The following TAOK1 variants were observed in gnomAD, a reference collection of about 807,000 sequenced individuals.
The protein encoded by TAOK1 is serine/threonine-protein kinase TAO1.
A neutral mutation model predicts 138.3 loss-of-function variants in TAOK1; 21 were observed. The ratio of observed to expected loss-of-function variants is 0.15; its 90% CI spans 0.11 to 0.22. TAOK1 has a LOEUF of 0.22. Ranked by LOEUF, TAOK1 falls within the 10% of genes least tolerant of loss-of-function variation. TAOK1 has a pLI of 1.00. For missense variants in TAOK1, 651 were observed against 1,227.7 expected (o/e 0.53, Z 7.02); for synonymous variants, 361 against 398.4 (o/e 0.91, Z 1.12).
intron 1 of TAOK1, among the ~76,000 whole-genome samples, chr17:29,416,544 TTTAA>T (rs1343284493): frequency 4.0e-5 from 6 of 151,898 alleles, no homozygotes; most frequent in Non-Finnish European, 8.8e-5. Context: ...TATTACATTA[TTTAA>T]TTAAATATTA....
chr17:29,487,310 T>C (rs909352579), intron 8 of TAOK1, among the ~76,000 whole-genome samples: 32 of 151,126 alleles, frequency 2.1e-4, no homozygotes, highest in African/African-American at 7.6e-4. Context: ...TTTCTCTCAT[T>C]GTCAGAGAAA....
chr17:29,528,839 C>CAAAAAAAA (rs58073512), intron 17 of TAOK1, among the ~76,000 whole-genome samples: 5 of 69,402 alleles, frequency 7.2e-5, no homozygotes, highest in African/African-American at 1.2e-4. Context: ...GACTCCGTCT[C>CAAAAAAAA]AAAAAAAAAA....
intron 1 of TAOK1, among the ~76,000 whole-genome samples, chr17:29,425,045 A>T (rs1301771120): frequency 2.0e-5 from 3 of 152,160 alleles, no homozygotes; most frequent in Admixed American, 6.5e-5. Context: ...TAAAAGTTAG[A>T]CCATTAAATT....
intron 1 of TAOK1, among the ~76,000 whole-genome samples, chr17:29,443,240 G>A (rs1003706714): frequency 6.6e-6 from 1 of 152,126 alleles, no homozygotes; most frequent in Non-Finnish European, 1.5e-5. Flanking sequence ...CTTAAAAGAT[G>A]GAATACTATG....
intron 10 of TAOK1, among the ~76,000 whole-genome samples, chr17:29,492,150 G>T (rs184843387): frequency 1.4e-4 from 21 of 152,138 alleles, no homozygotes; most frequent in Non-Finnish European, 2.4e-4. Flanking sequence ...GCCTCTCAAG[G>T]GCTTGGATTA....
chr17:29,465,864 T>TTTTTTTTTTTTTTTC (rs397828344), intron 2 of TAOK1, among the ~76,000 whole-genome samples: 1 of 131,858 alleles, frequency 7.6e-6, no homozygotes, highest in East Asian at 2.2e-4. Flanking sequence ...TTTTTTTTTT[T>TTTTTTTTTTTTTTTC]CAGATTTTCC....
At chr17:29,508,197 T>C (rs2031660311) in intron 14 of TAOK1, 65 bp downstream of exon 14, 1 of 1,393,552 alleles carries the variant, frequency 7.2e-7, no homozygotes, top group Non-Finnish European at 1.0e-6. Context: ...TTAACCAACA[T>C]GGCAGTTTGA....
intron 8 of TAOK1, among the ~76,000 whole-genome samples, chr17:29,486,664 G>A (rs547987257): frequency 5.9e-5 from 9 of 152,112 alleles, no homozygotes; most frequent in African/African-American, 2.2e-4. Context: ...GAATTTATGA[G>A]AGTCTAACAC....
chr17:29,489,860 A>G (rs2031260532), intron 9 of TAOK1, 103 bp downstream of exon 9: 1 of 669,190 alleles, frequency 1.5e-6, no homozygotes, highest in African/African-American at 1.9e-5. Context: ...AAAATGTATC[A>G]CCTTATAAGA....
chr17:29,407,612 A>C lies in TAOK1; in HGVS notation c.-95+16588A>C, dbSNP rs1053609824. Among the ~76,000 whole-genome samples, 5 of 151,108 alleles carry C rather than the reference A, an allele frequency of 3.3e-5. No homozygotes were observed. The South Asian group carries it at 6.3e-4, about 19-fold the overall frequency. ...CAGGTGCCCACCATTACACCTGGCT[A>C]ATTTTTTTATTTTTTGTAGAGATGG... On this transcript the variant is annotated intron_variant, in intron 1 of 19. Transcript: ENST00000261716.
rs1266611590 is a variant in TAOK1, at chr17:29,390,538, G to C, written c.-581G>C. The C allele has an allele frequency of 6.6e-6, 1 of 152,608 alleles. No individual in the cohort carries two copies. The highest frequency in any genetic ancestry group is 1.5e-5 in the Non-Finnish European group (1 of 68,430). The allele number at this position is 152,608 out of a possible 1,614,324, so 9.5% of individuals were successfully genotyped here. A position where few individuals can be genotyped will look rare whatever the true frequency, so the allele number is the denominator to read the frequency against. On this transcript the variant is annotated 5_prime_UTR_variant, in exon 1 of 20. Transcript: ENST00000261716. Reference sequence around the variant, plus strand: ...GAACATCTGAGGCCTCCCGGCCCCGGGGGACCCCGCCCCGCCGTCCGCCGG... The same window carrying C: ...GAACATCTGAGGCCTCCCGGCCCCGCGGGACCCCGCCCCGCCGTCCGCCGG...
At chr17:29,521,154 T>C (rs2031908532) in intron 16 of TAOK1, among the ~76,000 whole-genome samples, 1 of 152,200 alleles carries the variant, frequency 6.6e-6, no homozygotes, top group African/African-American at 2.4e-5. Flanking sequence ...TATGTTTTTG[T>C]AAAATAGACT....
intron 1 of TAOK1, among the ~76,000 whole-genome samples, chr17:29,433,355 C>T (rs111991748): frequency 5.9e-4 from 89 of 149,932 alleles, no homozygotes; most frequent in Non-Finnish European, 1.1e-3. Flanking sequence ...TGCTTGAACC[C>T]GGGAGTGGAT....
Position 29,502,775 on chromosome 17 carries a change from G to A in TAOK1, c.1338+52G>A, listed in dbSNP as rs374068532. ...AATATATTTTTCATGTGGGACCTTGGCAATATAAACTCAAGTATAGCTATA... is the reference window on the plus strand; with the variant it reads ...AATATATTTTTCATGTGGGACCTTGACAATATAAACTCAAGTATAGCTATA... On this transcript the variant is annotated intron_variant, in intron 13 of 19. Transcript: ENST00000261716. 3 of 1,575,540 alleles carry A rather than the reference G, an allele frequency of 1.9e-6. No individual in the cohort carries two copies. In the African/African-American group the frequency reaches 4.1e-5, roughly 21 times the overall value.
intron 18 of TAOK1, among the ~76,000 whole-genome samples, chr17:29,532,369 G>T (rs941763028): frequency 3.1e-3 from 233 of 75,588 alleles, no homozygotes; most frequent in African/African-American, 6.8e-3. Flanking sequence ...TTTTTTTTTT[G>T]ATCATTCTTG....
intron 10 of TAOK1, among the ~76,000 whole-genome samples, chr17:29,494,553 G>A (rs558254539): frequency 2.6e-5 from 4 of 152,164 alleles, no homozygotes; most frequent in African/African-American, 7.2e-5. Flanking sequence ...ATAGCTGGGC[G>A]CGGTGGCTCA....
chr17:29,531,749 C>T (rs944913016), intron 18 of TAOK1, among the ~76,000 whole-genome samples: 5 of 149,116 alleles, frequency 3.4e-5, no homozygotes, highest in African/African-American at 1.2e-4. Flanking sequence ...GGCAACAAAA[C>T]GAGACTCCGT....
At chr17:29,465,836 G>GTTTTTTTTT (rs2030650304) in intron 2 of TAOK1, among the ~76,000 whole-genome samples, 1 of 13,602 alleles carries the variant, frequency 7.4e-5, no homozygotes, top group Non-Finnish European at 1.3e-4. Flanking sequence ...AAGTTTCTGT[G>GTTTTTTTTT]CTTTTTTTTT....
chr17:29,494,554 C>A (rs993236196), intron 10 of TAOK1, among the ~76,000 whole-genome samples: 23 of 152,052 alleles, frequency 1.5e-4, no homozygotes, highest in African/African-American at 5.3e-4. Context: ...TAGCTGGGCG[C>A]GGTGGCTCAC....
Sources: gnomAD v4.1 joint callset for allele counts (sites outside exome capture counted in the v4.1 genomes callset) on GRCh38, gnomAD v4.1.1 for gene constraint, MANE v1.5 for transcripts, NCBI Gene and HGNC (gene_info 2026-07-23, HGNC 2026-07-21) for gene names.